The following DPP10 variants were observed in gnomAD, a reference collection of about 807,000 sequenced individuals.
The protein encoded by DPP10 is inactive dipeptidyl peptidase 10.
Under a neutral mutation model 120.9 loss-of-function variants are expected in DPP10, and 33 were observed. The observed-to-expected ratio is 0.27, with a 90% CI of 0.21 to 0.37. The LOEUF (loss-of-function observed/expected upper bound fraction) is 0.37. Among genes scored for constraint, DPP10 ranks in the 10% least tolerant of loss-of-function variants. DPP10 has a pLI of 1.00. For synonymous variants in DPP10, 337 were observed against 326.1 expected, an observed-to-expected ratio of 1.03 and a Z score of -0.36; for missense variants, 816 against 942.8, an observed-to-expected ratio of 0.87 and a Z score of 1.76.
chr2:114,745,299 A>G (rs921051362), intron 1 of DPP10, among the ~76,000 whole-genome samples: 12 of 152,230 alleles, frequency 7.9e-5, no homozygotes, highest in Non-Finnish European at 1.8e-4. Flanking sequence ...GCCTCATGCC[A>G]GAGTTTACTA....
At chr2:115,735,785 G>T (rs139214494) in intron 8 of DPP10, among the ~76,000 whole-genome samples, 4 of 146,522 alleles carry the variant, frequency 2.7e-5, no homozygotes, top group Non-Finnish European at 6.0e-5. Context: ...CGCCCACCTC[G>T]GCCTCCCAAA....
chr2:115,133,115 A>ATGTGTGTGTG (rs1242932823), intron 1 of DPP10, among the ~76,000 whole-genome samples: 2 of 73,998 alleles, frequency 2.7e-5, no homozygotes, highest in African/African-American at 1.3e-4. Flanking sequence ...ATGTATATGT[A>ATGTGTGTGTG]TGTGTGTGTG....
intron 1 of DPP10, among the ~76,000 whole-genome samples, chr2:115,159,331 G>A (rs1211578948): frequency 2.0e-5 from 3 of 152,082 alleles, no homozygotes; most frequent in Non-Finnish European, 2.9e-5. Context: ...GGTGGCGCGC[G>A]CCTGTAGTCC....
intron 1 of DPP10, among the ~76,000 whole-genome samples, chr2:114,840,937 A>G (rs1688110493): frequency 6.6e-6 from 1 of 152,050 alleles, no homozygotes; most frequent in African/African-American, 2.4e-5. Flanking sequence ...ATCCTTACAT[A>G]TGTAAATCAC....
chr2:114,786,150 C>G (rs1231366495), intron 1 of DPP10, among the ~76,000 whole-genome samples: 3 of 152,196 alleles, frequency 2.0e-5, no homozygotes, highest in Non-Finnish European at 4.4e-5. Flanking sequence ...AGAGCAGAGT[C>G]TCTCAGCTGT....
chr2:115,437,226 C>A (rs763412849), intron 3 of DPP10, among the ~76,000 whole-genome samples: 2 of 152,054 alleles, frequency 1.3e-5, no homozygotes, highest in Non-Finnish European at 2.9e-5. Flanking sequence ...AAGGAGATTT[C>A]TACTGAATTA....
chr2:114,708,874 G>T (rs1222285389), intron 1 of DPP10, among the ~76,000 whole-genome samples: 4 of 152,094 alleles, frequency 2.6e-5, no homozygotes, highest in Non-Finnish European at 5.9e-5. Context: ...TCCGGCCTCA[G>T]CCTTCTGAAC....
chr2:115,304,661 A>G (rs1422407664), intron 1 of DPP10, among the ~76,000 whole-genome samples: 2 of 152,068 alleles, frequency 1.3e-5, no homozygotes, highest in African/African-American at 4.8e-5. Flanking sequence ...ACGTTTTCCA[A>G]AGGAAAGTAC....
intron 11 of DPP10, among the ~76,000 whole-genome samples, chr2:115,759,516 C>A (rs1390477407): frequency 6.6e-6 from 1 of 151,822 alleles, no homozygotes; most frequent in Non-Finnish European, 1.5e-5. Context: ...AAACTGACAA[C>A]ATTAACTGTT....
chr2:114,768,145 A>G (rs1373227241), intron 1 of DPP10, among the ~76,000 whole-genome samples: 4 of 150,866 alleles, frequency 2.7e-5, no homozygotes, highest in Non-Finnish European at 4.4e-5. Flanking sequence ...AAAAAAAAAA[A>G]AGTTCTCAGA....
chr2:114,945,938 T>C (rs899506876), intron 1 of DPP10, among the ~76,000 whole-genome samples: 2 of 152,182 alleles, frequency 1.3e-5, no homozygotes, highest in Non-Finnish European at 2.9e-5. Context: ...TAACATGTAC[T>C]CTAAGCCAAG....
chr2:115,405,117 T>C (rs935257419), intron 3 of DPP10, among the ~76,000 whole-genome samples: 3 of 152,204 alleles, frequency 2.0e-5, no homozygotes, highest in Admixed American at 6.5e-5. Context: ...AAGCTTCATC[T>C]GGGACTCAAG....
At chr2:115,258,494 AT>A (rs1425030456) in intron 1 of DPP10, among the ~76,000 whole-genome samples, 3 of 151,962 alleles carry the variant, frequency 2.0e-5, no homozygotes, top group Non-Finnish European at 4.4e-5. Context: ...AAAAAAAAAA[AT>A]CTTTAAAATG....
intron 1 of DPP10, among the ~76,000 whole-genome samples, chr2:115,031,471 G>T (rs1703836786): frequency 6.6e-6 from 1 of 152,102 alleles, no homozygotes; most frequent in Admixed American, 6.5e-5. Context: ...TGACCTTCAA[G>T]GGAATAAACA....
At chr2:115,766,312 A>ATG (rs71297173) in intron 12 of DPP10, among the ~76,000 whole-genome samples, 1 of 68,450 alleles carries the variant, frequency 1.5e-5, no homozygotes, top group Admixed American at 1.8e-4. Flanking sequence ...GTGTGTGTGT[A>ATG]TATATATATA....
At chr2:115,691,139 C>T (rs1364922869) in intron 7 of DPP10, among the ~76,000 whole-genome samples, 2 of 151,620 alleles carry the variant, frequency 1.3e-5, no homozygotes, top group Non-Finnish European at 2.9e-5. Context: ...TAAAAGGAAC[C>T]CCTTATATGT....
chr2:115,517,032 T>C (rs1274036462), intron 4 of DPP10, among the ~76,000 whole-genome samples: 1 of 152,202 alleles, frequency 6.6e-6, no homozygotes, highest in Non-Finnish European at 1.5e-5. Flanking sequence ...GTCATTTGTG[T>C]TTTTACTTTG....
chr2:114,684,443 A>G (rs1699235506), intron 1 of DPP10, among the ~76,000 whole-genome samples: 1 of 151,980 alleles, frequency 6.6e-6, no homozygotes, highest in Non-Finnish European at 1.5e-5. Context: ...AAAAAACAGG[A>G]TGAGGTTAGC....
At chr2:115,658,685 G>A (rs529086447) in intron 5 of DPP10, among the ~76,000 whole-genome samples, 1 of 152,066 alleles carries the variant, frequency 6.6e-6, no homozygotes, top group South Asian at 2.1e-4. Context: ...ACTGAAGAAG[G>A]CAGCTTTCTA....
Sources: allele counts gnomAD v4.1 joint callset (sites outside exome capture counted in the v4.1 genomes callset), GRCh38; gene constraint gnomAD v4.1.1; transcripts MANE v1.5; gene names NCBI Gene and HGNC (gene_info 2026-07-23, HGNC 2026-07-21).